FNBP1L: variants seen among roughly 807,000 people sequenced by gnomAD.
The protein encoded by FNBP1L is formin-binding protein 1-like.
A neutral mutation model predicts 91.2 loss-of-function variants in FNBP1L; 36 were observed. The ratio of observed to expected loss-of-function variants is 0.39; its 90% CI spans 0.30 to 0.52. The LOEUF (loss-of-function observed/expected upper bound fraction) is 0.52, where lower values mean the gene tolerates loss of function less well. Among genes scored for constraint, FNBP1L ranks in the 20% least tolerant of loss-of-function variants. The probability of loss-of-function intolerance (pLI) is 0.66; values close to 1 mark genes in which losing one functional copy is unlikely to be tolerated. For synonymous variants in FNBP1L, 242 were observed against 237.0 expected (o/e 1.02, Z -0.19); for missense variants, 571 against 732.1 (o/e 0.78, Z 2.54).
intron 2 of FNBP1L, among the ~76,000 whole-genome samples, chr1:93,500,101 T>G (rs896783116): frequency 2.6e-5 from 4 of 152,214 alleles, no homozygotes; most frequent in Admixed American, 2.0e-4. Context: ...TTAAAACTAA[T>G]GGACTTTGTT....
intron 13 of FNBP1L, 55 bp from the exon 14 acceptor site, chr1:93,547,292 T>C (rs1003285205): frequency 2.3e-6 from 3 of 1,332,296 alleles, no homozygotes; most frequent in East Asian, 5.0e-5. Context: ...AGATATCTTA[T>C]GAGCTTTTAA....
At chr1:93,530,015 C>T (rs779094441) in intron 6 of FNBP1L, among the ~76,000 whole-genome samples, 13 of 152,104 alleles carry the variant, frequency 8.5e-5, no homozygotes, top group Non-Finnish European at 1.5e-4. Flanking sequence ...AGTTTTTAGC[C>T]TATTCCAAAA....
chr1:93,465,158 G>A (rs189172971), intron 1 of FNBP1L, among the ~76,000 whole-genome samples: 28 of 150,024 alleles, frequency 1.9e-4, no homozygotes, highest in African/African-American at 6.9e-4. Flanking sequence ...CCTTTGGGAG[G>A]CCCTGTTTCA....
intron 14 of FNBP1L, 61 bp from the exon 15 acceptor site, chr1:93,549,217 A>G: frequency 1.5e-6 from 2 of 1,353,792 alleles, no homozygotes; most frequent in Non-Finnish European, 2.0e-6. Context: ...TCAATTTATA[A>G]ATAATATATA....
chr1:93,453,387 C>G (rs1439682579), intron 1 of FNBP1L, among the ~76,000 whole-genome samples: 1 of 152,154 alleles, frequency 6.6e-6, no homozygotes, highest in African/African-American at 2.4e-5. Context: ...CATTTACTTC[C>G]ATTTGCTTGC....
intron 1 of FNBP1L, among the ~76,000 whole-genome samples, chr1:93,461,633 A>G (rs562431250): frequency 6.6e-6 from 1 of 152,204 alleles, no homozygotes; most frequent in Non-Finnish European, 1.5e-5. Flanking sequence ...CCTACAAAAA[A>G]CATCTCCCTT....
intron 1 of FNBP1L, among the ~76,000 whole-genome samples, chr1:93,467,831 C>T (rs535421389): frequency 6.6e-6 from 1 of 152,210 alleles, no homozygotes; most frequent in African/African-American, 2.4e-5. Flanking sequence ...CCCAGCTACT[C>T]TTGAGGGTGA....
intron 4 of FNBP1L, 92 bp from the exon 5 acceptor site, chr1:93,524,169 C>A: frequency 9.7e-7 from 1 of 1,030,498 alleles, no homozygotes; most frequent in Non-Finnish European, 1.3e-6. Context: ...CTTTTGGGGA[C>A]TTTAGACTTT....
rs114413911 is a variant in FNBP1L at position 93,552,003 on chromosome 1, A to G, written c.1811-406A>G. The G allele has an allele frequency of 8.9e-3, 8,865 of 998,110 alleles. 44 individuals are homozygous for G. The highest frequency in any genetic ancestry group is 9.8e-3 in the Non-Finnish European group (8,179 of 838,630). 61.8% of individuals were successfully genotyped at this position (998,110 alleles called of 1,614,324 possible). On this transcript the variant is annotated intron_variant, in intron 16 of 16. Coordinates refer to ENST00000271234, the MANE Select transcript of FNBP1L (RefSeq NM_001164473.3). ...CCTTGAATGGAGGGGAAGTGTTGAC[A>G]AATTTTAATTTTTAAAGGAGAAACT...
chr1:93,549,303 G>A lies in FNBP1L; in HGVS notation c.1528G>A (p.Ala510Thr), dbSNP rs369629520. Residue 510 changes from alanine (A) to threonine (T), a missense_variant, in exon 15 of 17, where the codon GCA (alanine) becomes ACA (threonine). Around this residue, in one of 5 missense-constraint regions of FNBP1L, gnomAD observed 189 missense variants for 219.7 expected, o/e 0.86. Coordinates refer to ENST00000271234, the MANE Select transcript of FNBP1L (RefSeq NM_001164473.3). ...ESPEGSYTDD[A>T]NQEVRGPPQQ... ...TCCTGAGGGAAGTTACACTGATGAT[G>A]CAAACCAGGAAGTCCGTGGGCCACC... 86 of 1,611,578 alleles carry A rather than the reference G, an allele frequency of 5.3e-5. No homozygotes were observed. Among genetic ancestry groups the A allele is most frequent in the Non-Finnish European group, 7.1e-5 (84 of 1,179,016 alleles).
At position 93,536,369 on chromosome 1, in the gene FNBP1L, C is replaced by G. The variant is rs1207553123; in HGVS notation, c.1028C>G (p.Thr343Arg). ...SPPLTPTSLF[T>R]SSTPNGSQFL... is the part of the protein sequence containing the mutation. ...CCCTTAACCCCTACTAGTTTATTCA[C>G]ATCCAGTACTCCTAATGGGTCCCAG... Residue 343 changes from threonine to arginine, a missense_variant, in exon 10 of 17, where the codon ACA becomes AGA. Physicochemically the swap from Thr to Arg is moderately conservative, Grantham distance 71. This residue lies in a region of FNBP1L where 150 missense variants were observed against 155.9 expected (regional missense o/e 0.96). Transcript: ENST00000271234. 1.3e-6 allele frequency: 2 copies of G among 1,549,812 alleles called. No individual in the cohort carries two copies. The highest frequency in any genetic ancestry group is 4.9e-5 in the East Asian group (2 of 40,840).
At chr1:93,503,776 A>G (rs907515411) in intron 2 of FNBP1L, among the ~76,000 whole-genome samples, 1 of 152,224 alleles carries the variant, frequency 6.6e-6, no homozygotes, top group African/African-American at 2.4e-5. Flanking sequence ...TTCTTTTAAT[A>G]AACATTGTAT....
At chr1:93,521,600 C>T (rs1671331181) in intron 2 of FNBP1L, among the ~76,000 whole-genome samples, 3 of 152,158 alleles carry the variant, frequency 2.0e-5, no homozygotes, top group Admixed American at 6.6e-5. Context: ...TAAATCATCT[C>T]TAGATTATTT....
chr1:93,511,163 C>T (rs190339213), intron 2 of FNBP1L, among the ~76,000 whole-genome samples: 3 of 152,176 alleles, frequency 2.0e-5, no homozygotes, highest in African/African-American at 7.2e-5. Context: ...TCAGATTCAC[C>T]AAAGTTGAAA....
At chr1:93,552,111 A>C in intron 16 of FNBP1L, 3 of 1,147,978 alleles carry the variant, frequency 2.6e-6, no homozygotes, top group Non-Finnish European at 3.2e-6. Flanking sequence ...AGTTATTAGG[A>C]TAGATAAATT....
chr1:93,527,494 CCT>C (rs1170243848), intron 5 of FNBP1L, among the ~76,000 whole-genome samples: 1 of 152,048 alleles, frequency 6.6e-6, no homozygotes, highest in Non-Finnish European at 1.5e-5. Flanking sequence ...ATTGAGATCC[CCT>C]GTTTGCTTCT....
chr1:93,494,386 A>G (rs1347891446), intron 1 of FNBP1L, among the ~76,000 whole-genome samples: 3 of 152,148 alleles, frequency 2.0e-5, no homozygotes, highest in Admixed American at 6.5e-5. Context: ...TAGGGTTTTT[A>G]TGGGGGCTCC....
intron 2 of FNBP1L, among the ~76,000 whole-genome samples, chr1:93,514,924 G>A (rs760002623): frequency 7.9e-5 from 12 of 152,208 alleles, no homozygotes; most frequent in East Asian, 1.9e-4. Flanking sequence ...AAATGGGATC[G>A]AATTAAAATA....
Position 93,549,383 on chromosome 1 carries a change from C to G in FNBP1L, c.1608C>G (p.Pro536=). The change falls in exon 15 of 17, where the codon CCC becomes CCG. Residue 536 remains proline (P), a synonymous_variant. Transcript: ENST00000271234. ...EFDDEFEDDD[P]LPAIGHCKAI... ...ATGATGAATTTGAGGATGATGATCC[C>G]TTGCCTGCTATTGGACACTGCAAAG... The G allele has an allele frequency of 1.2e-6, 2 of 1,612,170 alleles. No homozygotes were observed. Among genetic ancestry groups the G allele is most frequent in the Non-Finnish European group, 1.7e-6 (2 of 1,179,214 alleles).
Sources: gnomAD v4.1 joint callset for allele counts (sites outside exome capture counted in the v4.1 genomes callset) on GRCh38, gnomAD v4.1.1 for gene constraint, gnomAD v4.1.1 regional missense constraint, MANE v1.5 for transcripts, NCBI Gene and HGNC (gene_info 2026-07-23, HGNC 2026-07-21) for gene names.